The following DMXL1 variants were observed in gnomAD, a reference collection of about 807,000 sequenced individuals.
DMXL1 encodes Dmx like 1, also known as dmX-like protein 1.
A neutral mutation model predicts 319.2 loss-of-function variants in DMXL1; 99 were observed. The ratio of observed to expected loss-of-function variants is 0.31; its 90% confidence interval spans 0.26 to 0.37. DMXL1 has a LOEUF of 0.37. Ranked by LOEUF, DMXL1 falls within the 10% of genes least tolerant of loss-of-function variation. The pLI is 1.00. For synonymous variants in DMXL1, 1,385 were observed against 1,235.2 expected, an observed-to-expected ratio of 1.12 and a Z score of -2.54; for missense variants, 3,745 against 3,595.6, an observed-to-expected ratio of 1.04 and a Z score of -1.06.
At chr5:119,231,416 C>T (rs1340383938) in intron 38 of DMXL1, among the ~76,000 whole-genome samples, 1 of 152,112 alleles carries the variant, frequency 6.6e-6, no homozygotes. Flanking sequence ...ACTTCTAGAC[C>T]TGATCTGAAT....
At chr5:119,078,407 C>T (rs1224970457) in intron 1 of DMXL1, among the ~76,000 whole-genome samples, 1 of 152,108 alleles carries the variant, frequency 6.6e-6, no homozygotes, top group African/African-American at 2.4e-5. Flanking sequence ...ATTATTTGTC[C>T]AGCCACTGAT....
In DMXL1 at chr5:119,150,196, C is replaced by A; in HGVS notation, c.4369C>A (p.His1457Asn). ...FQTQLLMTDTHMLETDEENTK... is the reference protein window; with the variant it reads ...FQTQLLMTDTNMLETDEENTK... ...GACTCAACTTCTAATGACTGATACT[C>A]ATATGTTAGAGACAGATGAAGAAAA... The change falls in exon 18 of 44, where the codon CAT (histidine) becomes AAT (asparagine). Residue 1457 changes from histidine to asparagine, a missense_variant. Coordinates refer to ENST00000539542, the MANE Select transcript of DMXL1 (RefSeq NM_001290321.3). 6.2e-7 allele frequency: 1 copy of A among 1,613,692 alleles called. No individual in the cohort carries two copies.
rs1157921856 is a variant in DMXL1 at position 119,089,292 on chromosome 5, ATTTTTTTTTTTTTTTT to A, written c.88-8671_88-8656del. 3.5e-4 allele frequency among the ~76,000 whole-genome samples: 14 copies of A among 39,882 alleles called. No homozygotes were observed. In the South Asian group the frequency reaches 9.0e-3, roughly 26 times the overall value. 26.2% of individuals were successfully genotyped at this position (39,882 alleles called of 152,430 possible). On this transcript the variant is annotated intron_variant, in intron 1 of 43. Coordinates refer to ENST00000539542, the MANE Select transcript of DMXL1 (RefSeq NM_001290321.3). ...TATATATATACATATATATATATAT[ATTTTTTTTTTTTTTTT>A]TTTTTTTTTTTTTTTGAGACAGAGT...
intron 1 of DMXL1, among the ~76,000 whole-genome samples, chr5:119,073,409 T>C (rs1750098780): frequency 6.6e-6 from 1 of 152,124 alleles, no homozygotes; most frequent in Non-Finnish European, 1.5e-5. Flanking sequence ...TAAGCAGTGG[T>C]GTGAACTTCA....
At chr5:119,161,226 T>G (rs1178051628) in intron 19 of DMXL1, among the ~76,000 whole-genome samples, 4 of 152,214 alleles carry the variant, frequency 2.6e-5, no homozygotes, top group Non-Finnish European at 5.9e-5. Context: ...TGAGGTTGGA[T>G]GTTGCTGCTC....
chr5:119,161,138 GT>G (rs1772178571), intron 19 of DMXL1, among the ~76,000 whole-genome samples: 1 of 152,182 alleles, frequency 6.6e-6, no homozygotes. Context: ...ATTATGCGTG[GT>G]TCAGCCTGAA....
intron 3 of DMXL1, among the ~76,000 whole-genome samples, chr5:119,103,412 C>T (rs1757686636): frequency 6.6e-6 from 1 of 152,068 alleles, no homozygotes; most frequent in Non-Finnish European, 1.5e-5. Context: ...TTTGTGCAGC[C>T]ATTATTTCTT....
chr5:119,168,413 A>G (rs1471848090), intron 23 of DMXL1, among the ~76,000 whole-genome samples: 1 of 152,230 alleles, frequency 6.6e-6, no homozygotes, highest in East Asian at 1.9e-4. Context: ...ATATAGATGC[A>G]TATAAAAATG....
Position 119,144,529 on chromosome 5 carries a change from T to A in DMXL1, c.2467-7T>A. The A allele has an allele frequency of 6.3e-7, 1 of 1,582,380 alleles. No homozygotes were observed. The highest frequency in any genetic ancestry group is 1.9e-5 in the Admixed American group (1 of 54,004). On this transcript the variant is annotated splice_region_variant and splice_polypyrimidine_tract_variant and intron_variant, in intron 14 of 43. Transcript: ENST00000539542. ...GTCAACTTACGTTGATATTTATTTA[T>A]ATTCAGCATGGCAGAAAAACCCAAC...
At chr5:119,212,804 A>G (rs1290744154) in intron 34 of DMXL1, among the ~76,000 whole-genome samples, 1 of 152,174 alleles carries the variant, frequency 6.6e-6, no homozygotes, top group African/African-American at 2.4e-5. Flanking sequence ...AAATAAAATT[A>G]CATTCATAGC....
rs970166992 is a variant in DMXL1 at position 119,074,123 on chromosome 5, T to C, written c.87+2467T>C. 2.0e-5 allele frequency among the ~76,000 whole-genome samples: 3 copies of C among 152,212 alleles called. No homozygotes were observed. In the East Asian group the frequency reaches 5.8e-4, roughly 29 times the overall value. ...TAGTAGAGGTGGGGTTTCACCATGT[T>C]GGTCAGGCTGGTCTGGAGCTCCTGA... On this transcript the variant is annotated intron_variant, in intron 1 of 43. Coordinates refer to ENST00000539542, the MANE Select transcript of DMXL1 (RefSeq NM_001290321.3).
chr5:119,196,907 A>G (rs998138585), intron 31 of DMXL1, among the ~76,000 whole-genome samples: 20 of 152,330 alleles, frequency 1.3e-4, no homozygotes, highest in Admixed American at 1.3e-3. Context: ...TTAACCAAAG[A>G]TTTTTATAAG....
intron 1 of DMXL1, among the ~76,000 whole-genome samples, chr5:119,087,669 G>A (rs1427336203): frequency 6.6e-6 from 1 of 152,088 alleles, no homozygotes; most frequent in African/African-American, 2.4e-5. Flanking sequence ...AGGCCTATTA[G>A]ATCTAGTGTA....
chr5:119,217,669 T>A (rs752240282), intron 35 of DMXL1, among the ~76,000 whole-genome samples: 1 of 152,222 alleles, frequency 6.6e-6, no homozygotes, highest in Non-Finnish European at 1.5e-5. Flanking sequence ...AAAGGAGATA[T>A]TGTATACATA....
At chr5:119,113,212 A>T (rs956246164) in intron 5 of DMXL1, among the ~76,000 whole-genome samples, 1 of 152,152 alleles carries the variant, frequency 6.6e-6, no homozygotes, top group Admixed American at 6.6e-5. Flanking sequence ...CATCTTTTGC[A>T]TCTATATGCA....
intron 19 of DMXL1, among the ~76,000 whole-genome samples, chr5:119,152,398 T>C (rs1770008039): frequency 6.6e-6 from 1 of 152,212 alleles, no homozygotes; most frequent in African/African-American, 2.4e-5. Context: ...CCACCAAACA[T>C]TGAATAACAT....
Position 119,195,098 on chromosome 5 carries a change from A to G in DMXL1, c.7457+1128A>G, listed in dbSNP as rs193248035. Among the ~76,000 whole-genome samples, 155 of 152,246 alleles carry G rather than the reference A, an allele frequency of 1.0e-3. 3 individuals are homozygous for G. The Middle Eastern group carries it at 0.014, about 13-fold the overall frequency. ...CAAAAACAAAAACAAAAAAAATAAC[A>G]GTGCTGGCAAGGATGAGGAGAAATT... On this transcript the variant is annotated intron_variant, in intron 30 of 43. Coordinates refer to ENST00000539542, the MANE Select transcript of DMXL1 (RefSeq NM_001290321.3).
intron 1 of DMXL1, among the ~76,000 whole-genome samples, chr5:119,091,982 G>T (rs1239987103): frequency 6.6e-6 from 1 of 152,188 alleles, no homozygotes; most frequent in Non-Finnish European, 1.5e-5. Context: ...GGCTGGGACA[G>T]ATATTCTGCT....
chr5:119,229,683 ATTAT>A (rs1490748593), intron 38 of DMXL1, among the ~76,000 whole-genome samples: 11 of 152,272 alleles, frequency 7.2e-5, no homozygotes, highest in African/African-American at 2.6e-4. Flanking sequence ...GACATACAAA[ATTAT>A]TTATCTATTT....
Sources: gnomAD v4.1 joint callset for allele counts (sites outside exome capture counted in the v4.1 genomes callset) on GRCh38, gnomAD v4.1.1 for gene constraint, MANE v1.5 for transcripts, NCBI Gene and HGNC (gene_info 2026-07-23, HGNC 2026-07-21) for gene names.